The following WDR62 variants were observed in gnomAD, a reference collection of about 807,000 sequenced individuals.
WDR62 encodes WD repeat-containing protein 62.
WDR62 carries 112 observed loss-of-function variants against 160.6 expected under a neutral mutation model. The ratio of observed to expected loss-of-function variants is 0.70; its 90% CI spans 0.60 to 0.82. WDR62 has a LOEUF of 0.82. Ranked by LOEUF, WDR62 falls within the 40% of genes least tolerant of loss-of-function variation. WDR62 has a pLI of 0.00. For synonymous variants in WDR62, 792 were observed against 815.1 expected (o/e 0.97, Z 0.48); for missense variants, 1,819 against 1,983.8 (o/e 0.92, Z 1.58).
intron 7 of WDR62, among the ~76,000 whole-genome samples, chr19:36,069,449 C>G (rs1008964561): frequency 6.6e-6 from 1 of 151,770 alleles, no homozygotes. Flanking sequence ...CGGGCAGAGA[C>G]GCTCCTCACT....
rs199736219 is a variant in WDR62 at position 36,103,208 on chromosome 19, G to A, written c.3514+1G>A. ...ACCCTGGAGGCCTGGCGCCCACCACGTGAGTGCCCCAGTCCCAGACGGACA... is the reference window on the plus strand; with the variant it reads ...ACCCTGGAGGCCTGGCGCCCACCACATGAGTGCCCCAGTCCCAGACGGACA... On this transcript the variant is annotated splice_donor_variant, in intron 29 of 31. Coordinates refer to ENST00000401500, the MANE Select transcript of WDR62 (RefSeq NM_001083961.2). LOFTEE classifies it high-confidence loss of function. 2.3e-5 allele frequency: 37 copies of A among 1,613,530 alleles called. No individual in the cohort carries two copies. In the Admixed American group the frequency reaches 4.5e-4, roughly 20 times the overall value.
At position 36,073,428 on chromosome 19, in the gene WDR62, T is replaced by C; in HGVS notation, c.1130T>C (p.Val377Ala). ...CCCATCCACCAGTGGCTGTCCTGCG[T>C]GTATAAGGACCACAGCATCTACATC... ...FDPIHQWLSC[V>A]YKDHSIYIWD... Residue 377 changes from valine to alanine, a missense_variant, in exon 9 of 32, where the codon GTG becomes GCG. This residue lies in a region of WDR62 where 934 missense variants were observed against 1,157.2 expected (regional missense o/e 0.81). Coordinates refer to ENST00000401500, the MANE Select transcript of WDR62 (RefSeq NM_001083961.2). 1.2e-6 allele frequency: 2 copies of C among 1,614,090 alleles called. No individual in the cohort carries two copies. The highest frequency in any genetic ancestry group is 8.5e-7 in the Non-Finnish European group (1 of 1,179,994).
chr19:36,071,339 G>A (rs528512104), intron 7 of WDR62, among the ~76,000 whole-genome samples: 87 of 152,224 alleles, frequency 5.7e-4, no homozygotes, highest in African/African-American at 2.0e-3. Flanking sequence ...TTCTGTTTCC[G>A]TTCATGCCTC....
At chr19:36,090,190 C>G (rs907966865) in intron 15 of WDR62, among the ~76,000 whole-genome samples, 5 of 152,218 alleles carry the variant, frequency 3.3e-5, no homozygotes, top group African/African-American at 1.2e-4. Flanking sequence ...CAAAGAGGCT[C>G]TGCACCCCTT....
At chr19:36,065,591 C>T (rs944837296) in intron 3 of WDR62, among the ~76,000 whole-genome samples, 2 of 152,190 alleles carry the variant, frequency 1.3e-5, no homozygotes. Context: ...CAGCACCACC[C>T]GTTTAGTTAG....
intron 7 of WDR62, among the ~76,000 whole-genome samples, chr19:36,068,770 C>T (rs1317056664): frequency 1.3e-5 from 2 of 152,216 alleles, no homozygotes; most frequent in East Asian, 1.9e-4. Flanking sequence ...TACACAGACA[C>T]AGCAACAATC....
chr19:36,106,710 A>G (rs564952455), downstream of WDR62, among the ~76,000 whole-genome samples: 89 of 152,346 alleles, frequency 5.8e-4, no homozygotes, highest in African/African-American at 2.1e-3. Flanking sequence ...TGGAGTGAGC[A>G]AGGGGAGGGC....
chr19:36,101,577 G>A lies in WDR62; in HGVS notation c.2972-87G>A. 3 of 1,066,774 alleles carry A rather than the reference G, an allele frequency of 2.8e-6. No individual in the cohort carries two copies. In the South Asian group the frequency reaches 4.1e-5, roughly 14 times the overall value. 66.1% of individuals were successfully genotyped at this position (1,066,774 alleles called of 1,614,324 possible). A position where few individuals can be genotyped will look rare whatever the true frequency, so the allele number is the denominator to read the frequency against. ...TCTTACCATCCCTCCTCCAGATGGGGAAACTGAGCCCAGGGAAGGGTAGCC... is the reference window on the plus strand; with the variant it reads ...TCTTACCATCCCTCCTCCAGATGGGAAAACTGAGCCCAGGGAAGGGTAGCC... On this transcript the variant is annotated intron_variant, in intron 24 of 31. Coordinates refer to ENST00000401500, the MANE Select transcript of WDR62 (RefSeq NM_001083961.2).
chr19:36,110,466 C>T, the WDR62 span, among the ~76,000 whole-genome samples: 6 of 151,916 alleles, frequency 3.9e-5, no homozygotes, highest in Admixed American at 6.6e-5. Flanking sequence ...AGTGAAACTC[C>T]GTCTCAAAAA....
chr19:36,099,667 C>T, intron 22 of WDR62, 50 bp downstream of exon 22: 1 of 1,590,902 alleles, frequency 6.3e-7, no homozygotes, highest in Non-Finnish European at 8.6e-7. Context: ...CCGTGACGGC[C>T]CCAGGGCCTG....
At position 36,100,827 on chromosome 19, in the gene WDR62, T is replaced by C. The variant is rs765049899; in HGVS notation, c.2819T>C (p.Leu940Pro). 1 of 1,614,208 alleles carries C rather than the reference T, an allele frequency of 6.2e-7. No individual in the cohort carries two copies. The highest frequency in any genetic ancestry group is 1.1e-5 in the South Asian group (1 of 91,088). ...QQKESSEASE[L>P]ILYSLEAEVT... ...AAGGAATCATCTGAGGCCAGTGAGC[T>C]CATCCTCTACTCTCTGGAGGCAGAA... is the stretch of plus-strand genomic sequence containing the variant. Residue 940 changes from leucine to proline, a missense_variant, in exon 23 of 32, where the codon CTC becomes CCC. Coordinates refer to ENST00000401500, the MANE Select transcript of WDR62 (RefSeq NM_001083961.2).
At chr19:36,097,953 C>T (rs1470792322) in intron 21 of WDR62, among the ~76,000 whole-genome samples, 1 of 152,024 alleles carries the variant, frequency 6.6e-6, no homozygotes, top group African/African-American at 2.4e-5. Flanking sequence ...CAGGAAAGGC[C>T]TCATTGGGAA....
chr19:36,073,611 C>T, intron 9 of WDR62, 80 bp downstream of exon 9: 1 of 1,174,758 alleles, frequency 8.5e-7, no homozygotes, highest in Non-Finnish European at 1.2e-6. Flanking sequence ...TCAGTAATTC[C>T]TTCAGAAGAT....
chr19:36,066,576 C>T, intron 5 of WDR62, 149 bp downstream of exon 5: 1 of 874,340 alleles, frequency 1.1e-6, no homozygotes. Context: ...CATGCTGATC[C>T]CTTATTGTAG....
rs552518461 is a variant in WDR62, at chr19:36,066,120, G to A, written c.390+105G>A. On this transcript the variant is annotated intron_variant, in intron 4 of 31. Transcript: ENST00000401500. ...GGAGTCCCTGGAATAGCTCCTTCCT[G>A]GGCCAGAACAGCCCTGTAGCAGATG... 7 of 1,577,244 alleles carry A rather than the reference G, an allele frequency of 4.4e-6. No homozygotes were observed. In the African/African-American group the frequency reaches 8.1e-5, roughly 18 times the overall value.
chr19:36,081,763 G>A, intron 10 of WDR62, 193 bp downstream of exon 10: 1 of 739,948 alleles, frequency 1.4e-6, no homozygotes, highest in Non-Finnish European at 2.4e-6. Flanking sequence ...CTCTGAGGTG[G>A]CACGCTCTAT....
At chr19:36,063,168 C>T (rs1970752304) in intron 3 of WDR62, among the ~76,000 whole-genome samples, 1 of 152,218 alleles carries the variant, frequency 6.6e-6, no homozygotes, top group African/African-American at 2.4e-5. Context: ...TGGTCTCGAT[C>T]TCCTGACCTT....
chr19:36,084,229 G>T (rs1186213467), intron 11 of WDR62, among the ~76,000 whole-genome samples: 1 of 152,124 alleles, frequency 6.6e-6, no homozygotes, highest in African/African-American at 2.4e-5. Flanking sequence ...GAATCAGGAA[G>T]GTCTAGATTT....
intron 6 of WDR62, 33 bp downstream of exon 6, chr19:36,067,476 C>A: frequency 6.2e-7 from 1 of 1,613,710 alleles, no homozygotes; most frequent in Non-Finnish European, 8.5e-7. Flanking sequence ...TTAGCCAGGC[C>A]CTGAGGGAGT....
Sources: gnomAD v4.1 joint callset for allele counts (sites outside exome capture counted in the v4.1 genomes callset) on GRCh38, gnomAD v4.1.1 for gene constraint, gnomAD v4.1.1 regional missense constraint, MANE v1.5 for transcripts, NCBI Gene and HGNC (gene_info 2026-07-23, HGNC 2026-07-21) for gene names.